Variants in PRPS2 observed in about 807,000 individuals in gnomAD.
PRPS2 encodes the protein ribose-phosphate pyrophosphokinase 2.
For synonymous variants in PRPS2, 111 were observed against 115.3 expected, an observed-to-expected ratio of 0.96 and a Z score of 0.24; for missense variants, 104 against 271.5, an observed-to-expected ratio of 0.38 and a Z score of 4.34.
chrX:12,809,769 T>C (rs2042613661), intron 3 of PRPS2, among the ~76,000 whole-genome samples: 1 of 112,360 alleles, frequency 8.9e-6, no homozygotes, highest in Admixed American at 9.4e-5. Context: ...AGCCATTCTA[T>C]TCCTCAGAAT....
chrX:12,809,212 A>C lies in PRPS2; in HGVS notation c.307-22A>C, dbSNP rs754875878. On this transcript the variant is annotated intron_variant, in intron 2 of 6. Coordinates refer to ENST00000380668, the MANE Select transcript of PRPS2 (RefSeq NM_002765.5). ...ACAGTATCCATCTTTTCCTGTTATAAAATTAATGTTCTTACTTGTAGAGTC... is the reference window on the plus strand; with the variant it reads ...ACAGTATCCATCTTTTCCTGTTATACAATTAATGTTCTTACTTGTAGAGTC... 84 of 1,184,689 alleles carry C rather than the reference A, an allele frequency of 7.1e-5. 1 individual carries two copies. Among genetic ancestry groups the C allele is most frequent in the Non-Finnish European group, 9.2e-5 (81 of 876,940 alleles).
intron 3 of PRPS2, 149 bp downstream of exon 3, chrX:12,809,481 C>A: frequency 3.4e-6 from 2 of 589,279 alleles, no homozygotes; most frequent in Non-Finnish European, 5.2e-6. Context: ...GATATTAGTA[C>A]TTCCAGTCTC....
At chrX:12,813,383 A>G (rs1008391285) in intron 4 of PRPS2, among the ~76,000 whole-genome samples, 1 of 112,266 alleles carries the variant, frequency 8.9e-6, no homozygotes, top group East Asian at 2.8e-4. Flanking sequence ...TTGTGAAGCA[A>G]TATCGTTGCT....
intron 3 of PRPS2, among the ~76,000 whole-genome samples, chrX:12,809,806 T>C (rs1057190823): frequency 1.8e-5 from 2 of 112,588 alleles, no homozygotes; most frequent in Admixed American, 9.4e-5. Flanking sequence ...CAATGGAATA[T>C]GTCCCAAGAG....
intron 1 of PRPS2, among the ~76,000 whole-genome samples, chrX:12,793,736 GC>G (rs1306923361): frequency 4.5e-5 from 5 of 112,322 alleles, no homozygotes; most frequent in African/African-American, 1.6e-4. Context: ...TCATGTAAGG[GC>G]CCCTTCTTGA....
intron 1 of PRPS2, among the ~76,000 whole-genome samples, chrX:12,796,441 T>C (rs1391346966): frequency 5.4e-5 from 6 of 110,640 alleles, no homozygotes; most frequent in Non-Finnish European, 1.1e-4. Flanking sequence ...GGTCTAGAAC[T>C]CCAGACCTCA....
At chrX:12,807,182 C>T (rs938234586) in intron 2 of PRPS2, among the ~76,000 whole-genome samples, 36 of 112,395 alleles carry the variant, frequency 3.2e-4, no homozygotes, top group Non-Finnish European at 6.2e-4. Context: ...GTGTCTGGTA[C>T]GGGCTGCGTC....
At chrX:12,804,525 T>G (rs1285347556) in intron 2 of PRPS2, among the ~76,000 whole-genome samples, 3 of 111,280 alleles carry the variant, frequency 2.7e-5, no homozygotes, top group African/African-American at 9.8e-5. Context: ...GGCTTTGTAC[T>G]GAGAAACTGT....
intron 4 of PRPS2, among the ~76,000 whole-genome samples, chrX:12,817,960 C>T (rs1468166043): frequency 2.7e-5 from 3 of 111,331 alleles, no homozygotes; most frequent in Non-Finnish European, 5.7e-5. Context: ...TGTTCTGGAA[C>T]TAGACAGAGA....
At chrX:12,805,068 T>C (rs2042587148) in intron 2 of PRPS2, among the ~76,000 whole-genome samples, 1 of 112,287 alleles carries the variant, frequency 8.9e-6, no homozygotes, top group Admixed American at 9.4e-5. Flanking sequence ...TATGTAACAT[T>C]TTATTTGGGG....
At chrX:12,797,899 G>A (rs911738145) in intron 1 of PRPS2, among the ~76,000 whole-genome samples, 10 of 112,546 alleles carry the variant, frequency 8.9e-5, no homozygotes, top group Admixed American at 8.5e-4. Flanking sequence ...CAGAAGCTAC[G>A]CAAGGATGCC....
intron 5 of PRPS2, 24 bp downstream of exon 5, chrX:12,819,704 G>C: frequency 8.5e-7 from 1 of 1,182,083 alleles, no homozygotes; most frequent in South Asian, 1.9e-5. Flanking sequence ...TGGGGAAAGC[G>C]TTAGGACTTC....
At chrX:12,798,584 G>A (rs764994391) in intron 1 of PRPS2, among the ~76,000 whole-genome samples, 7 of 112,253 alleles carry the variant, frequency 6.2e-5, no homozygotes, top group African/African-American at 2.3e-4. Flanking sequence ...TAAGCAATAT[G>A]ACTGTATAAC....
At chrX:12,816,207 C>G (rs1233425516) in intron 4 of PRPS2, among the ~76,000 whole-genome samples, 1 of 111,574 alleles carries the variant, frequency 9.0e-6, no homozygotes, top group African/African-American at 3.3e-5. Context: ...ATGTCTTATT[C>G]TCTTATCTCA....
At chrX:12,822,663 C>T (rs2042681782) in intron 6 of PRPS2, 41 bp from the exon 7 acceptor site, 1 of 1,112,457 alleles carries the variant, frequency 9.0e-7, no homozygotes, top group African/African-American at 1.8e-5. Flanking sequence ...ACTAAGATGT[C>T]CTGCTTCCCT....
At chrX:12,800,126 C>G (rs960389364) in intron 2 of PRPS2, among the ~76,000 whole-genome samples, 1 of 111,678 alleles carries the variant, frequency 9.0e-6, no homozygotes, top group Non-Finnish European at 1.9e-5. Context: ...TTACATAAAC[C>G]GCGTGGCTTA....
At chrX:12,806,164 ATTTCTTT>A (rs1010009074) in intron 2 of PRPS2, among the ~76,000 whole-genome samples, 3 of 108,874 alleles carry the variant, frequency 2.8e-5, no homozygotes, top group African/African-American at 1.0e-4. Context: ...TAGTTTGGGG[ATTTCTTT>A]TTTCTTTTTT....
intron 2 of PRPS2, among the ~76,000 whole-genome samples, chrX:12,805,898 C>T (rs1270338007): frequency 9.0e-6 from 1 of 111,543 alleles, no homozygotes; most frequent in Non-Finnish European, 1.9e-5. Flanking sequence ...CATGGTGAAA[C>T]CCCATCTCTA....
intron 4 of PRPS2, among the ~76,000 whole-genome samples, chrX:12,814,136 TG>T (rs1184347566): frequency 4.7e-5 from 5 of 105,277 alleles, no homozygotes; most frequent in Non-Finnish European, 9.7e-5. Context: ...TGATTTGAAA[TG>T]GCATCTTTCA....
Sources: gnomAD v4.1 joint callset for allele counts (sites outside exome capture counted in the v4.1 genomes callset) on GRCh38, gnomAD v4.1.1 for gene constraint, MANE v1.5 for transcripts, NCBI Gene and HGNC (gene_info 2026-07-23, HGNC 2026-07-21) for gene names.